Variants in CCSER2 observed in about 807,000 individuals in gnomAD.
CCSER2 encodes coiled-coil serine rich protein 2.
CCSER2 carries 46 observed loss-of-function variants against 92.3 expected under a neutral mutation model. The observed-to-expected ratio is 0.50, with a 90% CI of 0.39 to 0.64. The LOEUF (loss-of-function observed/expected upper bound fraction) is 0.64, where lower values mean the gene tolerates loss of function less well. Among genes scored for constraint, CCSER2 ranks in the 30% least tolerant of loss-of-function variants. The pLI, the probability that CCSER2 is intolerant of heterozygous loss-of-function variation, is 0.00. For synonymous variants in CCSER2, 433 were observed against 431.4 expected (o/e 1.00, Z -0.04); for missense variants, 1,244 against 1,238.9 (o/e 1.00, Z -0.06).
At chr10:84,346,158 G>A (rs767676487) in intron 1 of CCSER2, among the ~76,000 whole-genome samples, 13 of 152,132 alleles carry the variant, frequency 8.5e-5, no homozygotes, top group Middle Eastern at 3.2e-3. Flanking sequence ...TCTGCCTCCC[G>A]GGTTCAAGCG....
At chr10:84,425,682 T>G in intron 4 of CCSER2, 49 bp from the exon 5 acceptor site, 1 of 1,332,824 alleles carries the variant, frequency 7.5e-7, no homozygotes, top group African/African-American at 1.5e-5. Context: ...GAGTCAACTT[T>G]TATGGAGTAT....
At chr10:84,399,244 T>C (rs1298814291) in intron 3 of CCSER2, among the ~76,000 whole-genome samples, 1 of 152,180 alleles carries the variant, frequency 6.6e-6, no homozygotes, top group African/African-American at 2.4e-5. Context: ...TGTCCAGCTG[T>C]ACCCATTGTT....
intron 6 of CCSER2, among the ~76,000 whole-genome samples, chr10:84,456,840 T>A (rs1481532720): frequency 1.4e-5 from 2 of 145,934 alleles, no homozygotes; most frequent in Non-Finnish European, 3.1e-5. Flanking sequence ...ATTAATGATA[T>A]TGAGCATATT....
chr10:84,499,980 C>G (rs1178045245), intron 9 of CCSER2: 1 of 1,614,002 alleles, frequency 6.2e-7, no homozygotes, highest in Non-Finnish European at 8.5e-7. Flanking sequence ...GTCTCTCACT[C>G]CTATCCTGCT....
chr10:84,487,727 T>C (rs1847893860), intron 9 of CCSER2, among the ~76,000 whole-genome samples: 1 of 152,194 alleles, frequency 6.6e-6, no homozygotes, highest in African/African-American at 2.4e-5. Flanking sequence ...TTGAATACCC[T>C]TTATTTCTTT....
At chr10:84,375,225 T>C (rs1846263527) in intron 3 of CCSER2, among the ~76,000 whole-genome samples, 1 of 152,206 alleles carries the variant, frequency 6.6e-6, no homozygotes, top group Non-Finnish European at 1.5e-5. Context: ...TCAGAATGCA[T>C]CTGGATTAAC....
At chr10:84,350,442 G>T (rs748006557) in intron 1 of CCSER2, among the ~76,000 whole-genome samples, 1 of 151,982 alleles carries the variant, frequency 6.6e-6, no homozygotes, top group Admixed American at 6.6e-5. Flanking sequence ...TAGGGACCAG[G>T]TCTGTTCTGT....
chr10:84,391,253 A>G lies in CCSER2; in HGVS notation c.1614+17438A>G, dbSNP rs891161740. On this transcript the variant is annotated intron_variant, in intron 3 of 9. Transcript: ENST00000372088. ...AAAACTTGCCCAAGCCATGCTAAAC[A>G]ATGCTCAACCAGATCAATATGAAGC... is the stretch of plus-strand genomic sequence containing the variant. 1.9e-5 allele frequency: 27 copies of G among 1,401,216 alleles called. No individual in the cohort carries two copies. In the African/African-American group the frequency reaches 3.8e-4, roughly 20 times the overall value. The allele number at this position is 1,401,216 out of a possible 1,614,324, so 86.8% of individuals were successfully genotyped here. A position where few individuals can be genotyped will look rare whatever the true frequency, so the allele number is the denominator to read the frequency against.
At chr10:84,458,926 T>G (rs1226951490) in intron 6 of CCSER2, among the ~76,000 whole-genome samples, 2 of 152,192 alleles carry the variant, frequency 1.3e-5, no homozygotes, top group Non-Finnish European at 2.9e-5. Context: ...AATTCAATTT[T>G]CAGTTGTTTG....
At chr10:84,460,389 G>T (rs11201051) in intron 6 of CCSER2, among the ~76,000 whole-genome samples, 1 of 151,732 alleles carries the variant, frequency 6.6e-6, no homozygotes, top group Non-Finnish European at 1.5e-5. Context: ...ACATGTGTGA[G>T]ATTTTTTAAA....
intron 8 of CCSER2, among the ~76,000 whole-genome samples, chr10:84,475,313 A>G (rs1236277182): frequency 2.0e-5 from 3 of 152,218 alleles, no homozygotes; most frequent in Non-Finnish European, 2.9e-5. Context: ...ACAGTCTGTC[A>G]GCAATAAAGA....
At chr10:84,391,986 C>A in intron 3 of CCSER2, 1 of 1,332,486 alleles carries the variant, frequency 7.5e-7, no homozygotes, top group Non-Finnish European at 1.1e-6. Context: ...AAATTGGAGG[C>A]ATTTCTCTGA....
chr10:84,355,626 A>T (rs1332077845), intron 1 of CCSER2, among the ~76,000 whole-genome samples: 3 of 152,048 alleles, frequency 2.0e-5, no homozygotes, highest in Non-Finnish European at 4.4e-5. Context: ...TTTATCCACA[A>T]CCTCTATCTT....
intron 3 of CCSER2, among the ~76,000 whole-genome samples, chr10:84,387,926 C>T (rs555769304): frequency 2.4e-4 from 37 of 152,220 alleles, no homozygotes; most frequent in South Asian, 8.3e-4. Context: ...TGCAATGGCA[C>T]GATCTCGGCT....
At chr10:84,379,728 A>C (rs1456956948) in intron 3 of CCSER2, among the ~76,000 whole-genome samples, 3 of 152,198 alleles carry the variant, frequency 2.0e-5, no homozygotes, top group Non-Finnish European at 4.4e-5. Context: ...TACGTATTTT[A>C]CAACTTAGGT....
rs189579883 is a variant in CCSER2 at position 84,482,664 on chromosome 10, A to G, written c.2325+5000A>G. Among the ~76,000 whole-genome samples, 435 of 152,318 alleles carry G rather than the reference A, an allele frequency of 2.9e-3. 3 individuals are homozygous for G. The highest frequency in any genetic ancestry group is 6.8e-3 in the Middle Eastern group (2 of 294). ...ACCTCAAGTTAACCAGAGAAGCCAA[A>G]ATATTAGAAAAAAGAAACATTTCTG... On this transcript the variant is annotated intron_variant, in intron 9 of 9. Coordinates refer to ENST00000372088, the MANE Select transcript of CCSER2 (RefSeq NM_001284240.2).
At chr10:84,402,584 G>T (rs1292873911) in intron 3 of CCSER2, among the ~76,000 whole-genome samples, 1 of 152,144 alleles carries the variant, frequency 6.6e-6, no homozygotes, top group Non-Finnish European at 1.5e-5. Flanking sequence ...TTGGAGAAAA[G>T]ACATTTCATT....
intron 1 of CCSER2, among the ~76,000 whole-genome samples, chr10:84,366,023 G>T (rs1288090085): frequency 1.3e-5 from 2 of 152,162 alleles, no homozygotes; most frequent in Non-Finnish European, 2.9e-5. Context: ...CCCTTGCTCT[G>T]CTCCTGGCAA....
intron 8 of CCSER2, among the ~76,000 whole-genome samples, chr10:84,471,338 A>C (rs1846785924): frequency 6.6e-6 from 1 of 152,256 alleles, no homozygotes; most frequent in African/African-American, 2.4e-5. Flanking sequence ...ACAAAATTAA[A>C]AAGGAAAATA....
Sources: allele counts gnomAD v4.1 joint callset (sites outside exome capture counted in the v4.1 genomes callset), GRCh38; gene constraint gnomAD v4.1.1; transcripts MANE v1.5; gene names NCBI Gene and HGNC (gene_info 2026-07-23, HGNC 2026-07-21).